The following CDH11 variants were observed in gnomAD, a reference collection of about 807,000 sequenced individuals.
CDH11 encodes cadherin-11.
CDH11 carries 11 observed loss-of-function variants against 67.8 expected under a neutral mutation model. The observed-to-expected ratio is 0.16, with a 90% confidence interval of 0.10 to 0.27. The LOEUF (loss-of-function observed/expected upper bound fraction) is 0.27. Among genes scored for constraint, CDH11 ranks in the 10% least tolerant of loss-of-function variants. The pLI is 1.00. For synonymous variants in CDH11, 419 were observed against 400.0 expected (o/e 1.05, Z -0.57); for missense variants, 847 against 1,031.2 (o/e 0.82, Z 2.45).
intron 2 of CDH11, among the ~76,000 whole-genome samples, chr16:65,039,180 T>G (rs1015680806): frequency 6.6e-6 from 1 of 152,240 alleles, no homozygotes; most frequent in Non-Finnish European, 1.5e-5. Context: ...AAGCAAGTCC[T>G]CAATTAATGT....
At chr16:64,960,003 G>A (rs1204915877) in intron 11 of CDH11, among the ~76,000 whole-genome samples, 1 of 151,968 alleles carries the variant, frequency 6.6e-6, no homozygotes, top group Non-Finnish European at 1.5e-5. Flanking sequence ...TTTTATTTTT[G>A]TTTAAGCAGT....
chr16:65,094,200 A>G (rs1466713303), intron 1 of CDH11, among the ~76,000 whole-genome samples: 2 of 152,252 alleles, frequency 1.3e-5, no homozygotes, highest in Non-Finnish European at 2.9e-5. Context: ...GGAGCAAAGT[A>G]CTTCATTCTA....
chr16:65,108,568 T>A (rs1303799864), intron 1 of CDH11, among the ~76,000 whole-genome samples: 1 of 152,218 alleles, frequency 6.6e-6, no homozygotes, highest in Non-Finnish European at 1.5e-5. Context: ...ACTACTGGAA[T>A]ATTTTGGCAA....
At chr16:65,101,640 G>C (rs1418650877) in intron 1 of CDH11, among the ~76,000 whole-genome samples, 3 of 151,976 alleles carry the variant, frequency 2.0e-5, no homozygotes, top group Non-Finnish European at 4.4e-5. Context: ...CTTCCCATGA[G>C]CAGTGCTCCT....
At chr16:65,051,060 G>A (rs763558813) in intron 2 of CDH11, among the ~76,000 whole-genome samples, 5 of 152,144 alleles carry the variant, frequency 3.3e-5, no homozygotes, top group African/African-American at 4.8e-5. Context: ...GCCAGGCTTC[G>A]GAGCAAATGA....
chr16:64,967,780 T>C (rs1001348234), intron 11 of CDH11, among the ~76,000 whole-genome samples: 3 of 152,202 alleles, frequency 2.0e-5, no homozygotes, highest in East Asian at 3.8e-4. Flanking sequence ...GTTATTTTAA[T>C]GTTTTAATAC....
intron 1 of CDH11, among the ~76,000 whole-genome samples, chr16:65,058,088 T>C (rs1470492533): frequency 2.6e-5 from 4 of 152,020 alleles, no homozygotes; most frequent in Non-Finnish European, 5.9e-5. Flanking sequence ...CTGGGTGTGG[T>C]GGCAGGTGCC....
Position 64,947,853 on chromosome 16 carries a change from C to G in CDH11, c.2141G>C (p.Ser714Thr), listed in dbSNP as rs771415213. The G allele has an allele frequency of 2.4e-5, 39 of 1,614,028 alleles. No individual in the cohort carries two copies. The South Asian group carries it at 4.2e-4, about 17-fold the overall frequency. ...PRPGLRPAPNSVDVDDFINTR... is the reference protein window; with the variant it reads ...PRPGLRPAPNTVDVDDFINTR... ...GTTGATGAAGTCATCGACATCCACG[C>G]TGTTGGGCGCTGGCCGGAGCCCAGG... The change falls in exon 13 of 13, where the codon AGC (serine) becomes ACC (threonine). Residue 714 changes from serine (S) to threonine (T), a missense_variant. By Grantham distance (58) the Ser-to-Thr change is moderately conservative. Around this residue, in one of 2 missense-constraint regions of CDH11, gnomAD observed 612 missense variants for 678.7 expected, o/e 0.90. Coordinates refer to ENST00000268603, the MANE Select transcript of CDH11 (RefSeq NM_001797.4).
At chr16:65,045,917 G>A (rs2073954485) in intron 2 of CDH11, among the ~76,000 whole-genome samples, 1 of 152,030 alleles carries the variant, frequency 6.6e-6, no homozygotes, top group Non-Finnish European at 1.5e-5. Flanking sequence ...GTACCAAGGA[G>A]GCTTTCAGGA....
intron 7 of CDH11, chr16:64,985,978 C>G (rs2072477945): frequency 6.6e-6 from 1 of 151,712 alleles, no homozygotes; most frequent in Non-Finnish European, 1.5e-5. Flanking sequence ...TGGCAAAGGG[C>G]CTGCCTGACA....
Position 65,103,650 on chromosome 16 carries a change from C to T in CDH11, c.-298+18230G>A, listed in dbSNP as rs77842180. ...CCTCACCAATAGTAGTTTTTAAAAA[C>T]TGTGTATAAATATATTCTTCAAAAG... On this transcript the variant is annotated intron_variant, in intron 1 of 12. Coordinates refer to ENST00000268603, the MANE Select transcript of CDH11 (RefSeq NM_001797.4). 4.6e-3 allele frequency among the ~76,000 whole-genome samples: 707 copies of T among 152,258 alleles called. 9 individuals carry two copies. Among genetic ancestry groups the T allele is most frequent in the African/African-American group, 0.016 (663 of 41,538 alleles).
intron 1 of CDH11, among the ~76,000 whole-genome samples, chr16:65,061,420 T>C (rs2074234736): frequency 6.6e-6 from 1 of 152,244 alleles, no homozygotes; most frequent in African/African-American, 2.4e-5. Flanking sequence ...TTTCAAGGAC[T>C]GTAATAATGT....
chr16:64,947,911 C>A lies in CDH11; in HGVS notation c.2083G>T (p.Asp695Tyr). The change falls in exon 13 of 13, where the codon GAC (aspartate) becomes TAC (tyrosine). Residue 695 changes from aspartate (D) to tyrosine (Y), a missense_variant. Physicochemically the swap from Asp to Tyr is radical, Grantham distance 160. This residue lies in a region of CDH11 where 612 missense variants were observed against 678.7 expected (regional missense o/e 0.90). Coordinates refer to ENST00000268603, the MANE Select transcript of CDH11 (RefSeq NM_001797.4). ...DGINGFIPRKDIKPEYQYMPR... is the reference protein window; with the variant it reads ...DGINGFIPRKYIKPEYQYMPR... ...ATGTACTGATACTCAGGTTTGATGT[C>A]TTTGCGGGGGATAAATCCATTGATA... is the stretch of plus-strand genomic sequence containing the variant. 6.2e-7 allele frequency: 1 copy of A among 1,614,146 alleles called. No homozygotes were observed. The highest frequency in any genetic ancestry group is 8.5e-7 in the Non-Finnish European group (1 of 1,180,026).
chr16:64,983,270 T>C (rs1347005640), intron 7 of CDH11: 3 of 152,104 alleles, frequency 2.0e-5, no homozygotes, highest in Non-Finnish European at 2.9e-5. Flanking sequence ...GCTGTAGTTA[T>C]AGGGAAATTG....
At chr16:65,104,238 T>C (rs1468204665) in intron 1 of CDH11, among the ~76,000 whole-genome samples, 8 of 152,198 alleles carry the variant, frequency 5.3e-5, no homozygotes, top group African/African-American at 1.2e-4. Context: ...CTCTTCCTTA[T>C]ACCCAGGTGA....
chr16:65,067,330 T>C (rs777580252), intron 1 of CDH11, among the ~76,000 whole-genome samples: 4 of 152,112 alleles, frequency 2.6e-5, no homozygotes, highest in African/African-American at 4.8e-5. Flanking sequence ...TGACAAGGCA[T>C]AGATAGAACA....
chr16:65,105,001 A>T (rs1008764584), intron 1 of CDH11, among the ~76,000 whole-genome samples: 2 of 152,220 alleles, frequency 1.3e-5, no homozygotes, highest in African/African-American at 4.8e-5. Context: ...AGATAACTTA[A>T]AAGCTTTAAA....
intron 7 of CDH11, chr16:64,985,876 G>A (rs1024403955): frequency 5.3e-5 from 8 of 151,064 alleles, no homozygotes; most frequent in Admixed American, 2.0e-4. Context: ...AAACCCTCTC[G>A]GTTTTAATTA....
chr16:64,984,989 A>C (rs569623386), intron 7 of CDH11: 4 of 152,318 alleles, frequency 2.6e-5, no homozygotes, highest in African/African-American at 9.6e-5. Context: ...CTTTTCAAGG[A>C]GTTTATCTGG....
Sources: allele counts gnomAD v4.1 joint callset (sites outside exome capture counted in the v4.1 genomes callset), GRCh38; gene constraint gnomAD v4.1.1; regional missense constraint gnomAD v4.1.1; transcripts MANE v1.5; gene names NCBI Gene and HGNC (gene_info 2026-07-23, HGNC 2026-07-21).